NSD3: variants seen among roughly 807,000 people sequenced by gnomAD.
NSD3 encodes histone-lysine N-methyltransferase NSD3.
In NSD3, 24 loss-of-function variants were observed where a neutral mutation model predicts 160.8. That is an observed-to-expected ratio of 0.15 (90% CI 0.11 to 0.21). The LOEUF is 0.21. Ranked by LOEUF, NSD3 falls within the 10% of genes least tolerant of loss-of-function variation. The probability of loss-of-function intolerance (pLI) is 1.00; values close to 1 mark genes in which losing one functional copy is unlikely to be tolerated. For synonymous variants in NSD3, 520 were observed against 600.0 expected, an observed-to-expected ratio of 0.87 and a Z score of 1.95; for missense variants, 1,157 against 1,735.9, an observed-to-expected ratio of 0.67 and a Z score of 5.93.
Position 38,348,068 on chromosome 8 carries a change from T to A in NSD3, c.104A>T (p.Asp35Val), listed in dbSNP as rs752759666. 4.3e-6 allele frequency: 7 copies of A among 1,614,200 alleles called. No individual in the cohort carries two copies. The highest frequency in any genetic ancestry group is 1.1e-5 in the South Asian group (1 of 91,068). Reference sequence around the variant, plus strand: ...ATCTTCAGCAATGTCACTGTTGTTATCAAAGGCATCCTCCTGACGGATGTT... The same window carrying A: ...ATCTTCAGCAATGTCACTGTTGTTAACAAAGGCATCCTCCTGACGGATGTT... ...SANIRQEDAF[D>V]NNSDIAEDGG... Residue 35 changes from aspartate to valine, a missense_variant, in exon 2 of 24, where the codon GAT (aspartate) becomes GTT (valine). Transcript: ENST00000317025.
At chr8:38,353,933 G>A (rs918268127) in intron 1 of NSD3, among the ~76,000 whole-genome samples, 2 of 152,176 alleles carry the variant, frequency 1.3e-5, no homozygotes, top group South Asian at 2.1e-4. Flanking sequence ...ACATCCTACC[G>A]CCAGAGAATA....
chr8:38,270,208 T>C lies in NSD3; in HGVS notation c.*5433A>G, dbSNP rs988817855. On this transcript the variant is annotated 3_prime_UTR_variant, in exon 24 of 24. Transcript: ENST00000317025. ...TTGACTTTAGTGAATATTGATGCTT[T>C]GTTATTAAAGACTCAAGTCTCAAGT... The C allele has an allele frequency of 6.6e-6, 1 of 152,212 alleles. No individual in the cohort carries two copies. Among genetic ancestry groups the C allele is most frequent in the Non-Finnish European group, 1.5e-5 (1 of 68,040 alleles). The allele number at this position is 152,212 out of a possible 1,614,324, so 9.4% of individuals were successfully genotyped here.
intron 16 of NSD3, 135 bp downstream of exon 16, chr8:38,295,661 T>G: frequency 1.2e-6 from 1 of 818,508 alleles, no homozygotes; most frequent in Non-Finnish European, 1.8e-6. Flanking sequence ...CAAAACATGG[T>G]TCTTTTCTTT....
At chr8:38,379,477 A>C (rs945190589) in intron 1 of NSD3, among the ~76,000 whole-genome samples, 3 of 152,200 alleles carry the variant, frequency 2.0e-5, no homozygotes, top group Admixed American at 6.5e-5. Flanking sequence ...AATTCCAGAA[A>C]AAGCATGCTG....
At chr8:38,299,970 T>A (rs118158013) in intron 14 of NSD3, among the ~76,000 whole-genome samples, 2 of 151,784 alleles carry the variant, frequency 1.3e-5, no homozygotes, top group African/African-American at 4.8e-5. Flanking sequence ...TGTAATGAGA[T>A]AGAAATAAGA....
intron 12 of NSD3, among the ~76,000 whole-genome samples, chr8:38,307,193 T>G (rs1216131943): frequency 6.6e-6 from 1 of 151,694 alleles, no homozygotes; most frequent in African/African-American, 2.4e-5. Flanking sequence ...TAATACCAAT[T>G]ATTATTTTTG....
intron 2 of NSD3, among the ~76,000 whole-genome samples, chr8:38,343,095 C>T (rs1009609037): frequency 2.0e-5 from 3 of 151,648 alleles, no homozygotes; most frequent in African/African-American, 7.3e-5. Flanking sequence ...ACCTGGGGGG[C>T]TGAGGCATAG....
chr8:38,289,433 T>C lies in NSD3; in HGVS notation c.3191A>G (p.Glu1064Gly). ...QRESKEALEI[E>G]KNSRKPPPYK... ...GGGAGGGGGTTTTCTTGAGTTTTTT[T>C]CAATCTCTAGGGCTTCTTTACTTTC... The change falls in exon 18 of 24, where the codon GAA becomes GGA. Residue 1064 changes from glutamate (E) to glycine (G), a missense_variant. By Grantham distance (98) the Glu-to-Gly change is moderately conservative (BLOSUM62 -2). This residue lies in a region of NSD3 where 437 missense variants were observed against 576.6 expected (regional missense o/e 0.76). Transcript: ENST00000317025. 2 of 1,613,904 alleles carry C rather than the reference T, an allele frequency of 1.2e-6. No individual in the cohort carries two copies. Among genetic ancestry groups the C allele is most frequent in the Non-Finnish European group, 1.7e-6 (2 of 1,179,954 alleles).
intron 16 of NSD3, 105 bp downstream of exon 16, chr8:38,295,691 G>GTCCATGCTGTCTACCTATCTATC: frequency 1.9e-6 from 2 of 1,044,436 alleles, no homozygotes; most frequent in East Asian, 5.3e-5. Context: ...AAGGAAGTAG[G>GTCCATGCTGTCTACCTATCTATC]TCCATGCTGT....
intron 20 of NSD3, 99 bp from the exon 21 acceptor site, chr8:38,279,780 A>G: frequency 1.5e-6 from 2 of 1,362,078 alleles, no homozygotes; most frequent in South Asian, 3.0e-5. Context: ...TTTGCTACCA[A>G]CTGGTGTTTG....
chr8:38,303,401 G>A (rs1809320200), intron 14 of NSD3: 5 of 985,396 alleles, frequency 5.1e-6, no homozygotes, highest in Non-Finnish European at 6.0e-6. Flanking sequence ...TGACACTGCT[G>A]TAGTTAAGAA....
At chr8:38,301,763 A>G (rs1809282351) in intron 14 of NSD3, among the ~76,000 whole-genome samples, 1 of 152,234 alleles carries the variant, frequency 6.6e-6, no homozygotes. Context: ...TCTCACCTGT[A>G]TACTATGGAG....
intron 5 of NSD3, among the ~76,000 whole-genome samples, chr8:38,330,525 A>G (rs1020158982): frequency 6.6e-6 from 1 of 152,326 alleles, no homozygotes; most frequent in African/African-American, 2.4e-5. Flanking sequence ...CAAGAGGGGT[A>G]AAAATACTTT....
intron 1 of NSD3, among the ~76,000 whole-genome samples, chr8:38,356,086 G>A (rs903433371): frequency 1.3e-5 from 2 of 152,158 alleles, no homozygotes; most frequent in African/African-American, 4.8e-5. Flanking sequence ...AATTTGGTGG[G>A]AGACTAAATA....
chr8:38,371,390 C>T (rs1811239844), intron 1 of NSD3, among the ~76,000 whole-genome samples: 1 of 152,056 alleles, frequency 6.6e-6, no homozygotes, highest in South Asian at 2.1e-4. Flanking sequence ...GACATAGAAA[C>T]CATGAGGTGA....
chr8:38,314,548 A>G (rs373313333), intron 12 of NSD3, 99 bp downstream of exon 12: 2 of 1,496,610 alleles, frequency 1.3e-6, no homozygotes, highest in Admixed American at 1.9e-5. Context: ...AGGGCTAATA[A>G]AAGTGATGGG....
chr8:38,304,135 T>C (rs933757462), intron 14 of NSD3, among the ~76,000 whole-genome samples: 2 of 152,298 alleles, frequency 1.3e-5, no homozygotes, highest in African/African-American at 2.4e-5. Context: ...GACCAAAACA[T>C]TATGATAAAA....
At chr8:38,349,665 T>TTATATATATATATATATATATATA (rs71519992) in intron 1 of NSD3, among the ~76,000 whole-genome samples, 4 of 109,806 alleles carry the variant, frequency 3.6e-5, no homozygotes, top group African/African-American at 7.0e-5. Flanking sequence ...ATTTCTTTCT[T>TTATATATATATATATATATATATA]TATATATATA....
chr8:38,357,457 CATG>C (rs1427010721), intron 1 of NSD3, among the ~76,000 whole-genome samples: 1 of 152,148 alleles, frequency 6.6e-6, no homozygotes, highest in African/African-American at 2.4e-5. Flanking sequence ...CTCTGCACAC[CATG>C]ATTTCACTCC....
Sources: allele counts gnomAD v4.1 joint callset (sites outside exome capture counted in the v4.1 genomes callset), GRCh38; gene constraint gnomAD v4.1.1; regional missense constraint gnomAD v4.1.1; transcripts MANE v1.5; gene names NCBI Gene and HGNC (gene_info 2026-07-23, HGNC 2026-07-21).